UTRN: variants seen among roughly 807,000 people sequenced by gnomAD.
The protein encoded by UTRN is dystrophin-related protein 1.
A neutral mutation model predicts 463.9 loss-of-function variants in UTRN; 283 were observed. That is an observed-to-expected ratio of 0.61 (90% confidence interval 0.55 to 0.67). The LOEUF (loss-of-function observed/expected upper bound fraction) is 0.67, where lower values mean the gene tolerates loss of function less well. Ranked by LOEUF, UTRN falls within the 30% of genes least tolerant of loss-of-function variation. UTRN has a pLI of 0.00. For synonymous variants in UTRN, 1,442 were observed against 1,431.5 expected (o/e 1.01, Z -0.17); for missense variants, 3,922 against 4,084.3 (o/e 0.96, Z 1.08).
At chr6:144,608,241 C>T (rs1028190023) in intron 51 of UTRN, among the ~76,000 whole-genome samples, 1 of 152,180 alleles carries the variant, frequency 6.6e-6, no homozygotes, top group African/African-American at 2.4e-5. Context: ...AAAAGGGAAT[C>T]CTACTAGCAG....
chr6:144,847,904 A>G (rs1782158897), intron 74 of UTRN, among the ~76,000 whole-genome samples: 1 of 152,208 alleles, frequency 6.6e-6, no homozygotes. Context: ...ACTTTTAGTA[A>G]TAATGTGCCA....
intron 41 of UTRN, among the ~76,000 whole-genome samples, chr6:144,525,972 T>C (rs1191226221): frequency 1.3e-5 from 2 of 152,192 alleles, no homozygotes; most frequent in Non-Finnish European, 2.9e-5. Flanking sequence ...TTATTTCGTT[T>C]CCATATATTT....
chr6:144,318,435 C>A (rs1775417580), intron 2 of UTRN, among the ~76,000 whole-genome samples: 1 of 151,650 alleles, frequency 6.6e-6, no homozygotes, highest in African/African-American at 2.4e-5. Flanking sequence ...GCTGGGATTA[C>A]AGGTGCCTAC....
chr6:144,416,726 A>T (rs764058587), intron 3 of UTRN, among the ~76,000 whole-genome samples: 1 of 152,124 alleles, frequency 6.6e-6, no homozygotes, highest in African/African-American at 2.4e-5. Context: ...TACTTTTTTT[A>T]AAGTTAAATG....
intron 2 of UTRN, among the ~76,000 whole-genome samples, chr6:144,383,965 T>G (rs1326862314): frequency 6.6e-6 from 1 of 152,222 alleles, no homozygotes. Context: ...TATGAAAAGT[T>G]GAGATAAATT....
intron 54 of UTRN, among the ~76,000 whole-genome samples, chr6:144,737,201 A>C (rs1404951144): frequency 6.6e-6 from 1 of 152,082 alleles, no homozygotes. Flanking sequence ...CTTTTCTTAG[A>C]TCATGGGAAA....
Position 144,786,461 on chromosome 6 carries a change from T to C in UTRN, c.8835-2733T>C, listed in dbSNP as rs963808879. 1.1e-4 allele frequency among the ~76,000 whole-genome samples: 17 copies of C among 152,190 alleles called. No individual in the cohort carries two copies. The South Asian group carries it at 1.2e-3, about 11-fold the overall frequency. On this transcript the variant is annotated intron_variant, in intron 61 of 74. Coordinates refer to ENST00000367545, the MANE Select transcript of UTRN (RefSeq NM_007124.3). The stretch of plus-strand genomic sequence containing the variant: ...CCACCACGCCCAGCTAATTTTTGTA[T>C]GTTTAGTAGAGACAGGGTTTCACCA...
At position 144,678,582 on chromosome 6, in the gene UTRN, A is replaced by C. The variant is rs953478282; in HGVS notation, c.7652+4A>C. 4 of 1,591,786 alleles carry C rather than the reference A, an allele frequency of 2.5e-6. No individual in the cohort carries two copies. The African/African-American group carries it at 5.4e-5, about 21-fold the overall frequency. On this transcript the variant is annotated splice_donor_region_variant and intron_variant, in intron 52 of 74. Coordinates refer to ENST00000367545, the MANE Select transcript of UTRN (RefSeq NM_007124.3). Reference sequence around the variant, plus strand: ...AAGCAAAATCTGCTAGCATCAGGTCAGAATAGTCAATATCAAAATAAAAAT... The same window carrying C: ...AAGCAAAATCTGCTAGCATCAGGTCCGAATAGTCAATATCAAAATAAAAAT...
chr6:144,361,169 G>A (rs186549596), intron 2 of UTRN, among the ~76,000 whole-genome samples: 2 of 152,338 alleles, frequency 1.3e-5, no homozygotes, highest in African/African-American at 4.8e-5. Context: ...TAAAGCCATG[G>A]CAGATGGCAC....
At chr6:144,305,352 A>C (rs941980690) in intron 2 of UTRN, among the ~76,000 whole-genome samples, 9 of 152,228 alleles carry the variant, frequency 5.9e-5, no homozygotes, top group African/African-American at 2.2e-4. Flanking sequence ...GCAAAATACA[A>C]AAATTTTTAT....
chr6:144,763,987 C>T (rs989775581), intron 58 of UTRN, among the ~76,000 whole-genome samples: 2 of 152,048 alleles, frequency 1.3e-5, no homozygotes, highest in African/African-American at 2.4e-5. Context: ...AGAACTGGAG[C>T]TTGTGGTTTT....
chr6:144,699,107 A>G (rs149321131), intron 52 of UTRN, among the ~76,000 whole-genome samples: 1 of 152,144 alleles, frequency 6.6e-6, no homozygotes, highest in Non-Finnish European at 1.5e-5. Context: ...GTTTTTGGTT[A>G]CAAGAGAAAG....
intron 2 of UTRN, among the ~76,000 whole-genome samples, chr6:144,326,147 CTT>C (rs1324397288): frequency 2.0e-5 from 3 of 152,124 alleles, no homozygotes; most frequent in Admixed American, 6.5e-5. Flanking sequence ...TGAAAACAAA[CTT>C]AAGTGCATTT....
chr6:144,544,675 A>G (rs1186628823), intron 46 of UTRN, among the ~76,000 whole-genome samples: 1 of 151,564 alleles, frequency 6.6e-6, no homozygotes, highest in Non-Finnish European at 1.5e-5. Context: ...TCATTTCTCA[A>G]CTAGTGACCT....
At chr6:144,452,938 C>A (rs1295203545) in intron 18 of UTRN, among the ~76,000 whole-genome samples, 3 of 146,968 alleles carry the variant, frequency 2.0e-5, no homozygotes, top group African/African-American at 7.6e-5. Context: ...TGACAACCTG[C>A]CTCAAAGAAA....
intron 2 of UTRN, among the ~76,000 whole-genome samples, chr6:144,332,413 C>T (rs1776402473): frequency 6.6e-6 from 1 of 152,126 alleles, no homozygotes; most frequent in South Asian, 2.1e-4. Flanking sequence ...AGAACAAAAG[C>T]ATTTGTAATA....
chr6:144,349,892 C>T (rs576519696), intron 2 of UTRN, among the ~76,000 whole-genome samples: 1 of 152,192 alleles, frequency 6.6e-6, no homozygotes, highest in Non-Finnish European at 1.5e-5. Context: ...GCGACTCCCT[C>T]GCTCCTGCTC....
At chr6:144,397,484 C>A (rs1485327779) in intron 2 of UTRN, among the ~76,000 whole-genome samples, 1 of 152,100 alleles carries the variant, frequency 6.6e-6, no homozygotes, top group East Asian at 1.9e-4. Context: ...ACTCCATACC[C>A]TTCTTCTCTT....
intron 32 of UTRN, among the ~76,000 whole-genome samples, chr6:144,492,784 C>T (rs1793193759): frequency 1.3e-5 from 2 of 152,128 alleles, no homozygotes; most frequent in Admixed American, 1.3e-4. Context: ...TAGTTATATA[C>T]ATCTTGATAT....
Sources: allele counts gnomAD v4.1 joint callset (sites outside exome capture counted in the v4.1 genomes callset), GRCh38; gene constraint gnomAD v4.1.1; transcripts MANE v1.5; gene names NCBI Gene and HGNC (gene_info 2026-07-23, HGNC 2026-07-21).